Variants in F13A1 observed in about 807,000 individuals in gnomAD.
F13A1 encodes the protein FSF, A subunit.
F13A1 carries 47 observed loss-of-function variants against 80.1 expected under a neutral mutation model. That is an observed-to-expected ratio of 0.59 (90% CI 0.46 to 0.75). The LOEUF is 0.75. Ranked by LOEUF, F13A1 falls within the 30% of genes least tolerant of loss-of-function variation. F13A1 has a pLI of 0.00. For missense variants in F13A1, 817 were observed against 930.4 expected, an observed-to-expected ratio of 0.88 and a Z score of 1.59; for synonymous variants, 349 against 344.9, an observed-to-expected ratio of 1.01 and a Z score of -0.13.
chr6:6,144,754 T>G lies in F13A1; in HGVS notation c.*865A>C, dbSNP rs1215778357. 6.6e-6 allele frequency: 1 copy of G among 152,596 alleles called. No individual in the cohort carries two copies. The highest frequency in any genetic ancestry group is 6.5e-5 in the Admixed American group (1 of 15,278). 9.5% of individuals were successfully genotyped at this position (152,596 alleles called of 1,614,324 possible). A position where few individuals can be genotyped will look rare whatever the true frequency, so the allele number is the denominator to read the frequency against. On this transcript the variant is annotated 3_prime_UTR_variant, in exon 15 of 15. Transcript: ENST00000264870. ...TGAAAGGGGACCTGAACCTGCATCA[T>G]TCTGCAAAGGAGATGATTCCTGAGA...
intron 12 of F13A1, among the ~76,000 whole-genome samples, chr6:6,169,625 G>T (rs1760737325): frequency 1.3e-5 from 2 of 152,262 alleles, no homozygotes; most frequent in South Asian, 4.2e-4. Context: ...ATCCCCAGGG[G>T]ACATTTGGCA....
intron 13 of F13A1, among the ~76,000 whole-genome samples, chr6:6,161,707 C>T (rs181356452): frequency 9.6e-4 from 146 of 152,276 alleles, no homozygotes; most frequent in African/African-American, 2.6e-3. Context: ...ATGACTGTCT[C>T]TCTCTGCCTG....
At chr6:6,319,916 G>C (rs1163824919) in intron 1 of F13A1, among the ~76,000 whole-genome samples, 1 of 152,222 alleles carries the variant, frequency 6.6e-6, no homozygotes, top group Non-Finnish European at 1.5e-5. Flanking sequence ...AAGGGTTAAT[G>C]ATAGGGAGAA....
At chr6:6,245,917 A>G (rs1037644593) in intron 6 of F13A1, among the ~76,000 whole-genome samples, 5 of 152,216 alleles carry the variant, frequency 3.3e-5, no homozygotes, top group Admixed American at 6.5e-5. Context: ...TCTAGCCTCT[A>G]TGACCAGGCT....
At chr6:6,191,149 G>A (rs1243150834) in intron 10 of F13A1, among the ~76,000 whole-genome samples, 7 of 151,438 alleles carry the variant, frequency 4.6e-5, no homozygotes, top group Admixed American at 6.6e-5. Context: ...AGATGAACCC[G>A]GTACCTCAGA....
At chr6:6,208,659 C>G (rs903554871) in intron 8 of F13A1, among the ~76,000 whole-genome samples, 4 of 151,792 alleles carry the variant, frequency 2.6e-5, no homozygotes, top group African/African-American at 7.3e-5. Context: ...TACTTTTTTT[C>G]TTTTTCAAAT....
intron 3 of F13A1, among the ~76,000 whole-genome samples, chr6:6,285,398 T>G (rs1460551139): frequency 2.0e-5 from 3 of 152,090 alleles, no homozygotes; most frequent in African/African-American, 4.8e-5. Flanking sequence ...TAAACAGAAT[T>G]GGAAAGGAAA....
chr6:6,286,343 G>A (rs1046433812), intron 3 of F13A1, among the ~76,000 whole-genome samples: 1 of 152,156 alleles, frequency 6.6e-6, no homozygotes, highest in Non-Finnish European at 1.5e-5. Context: ...CTGAGATCGC[G>A]CCACTTCTCT....
intron 6 of F13A1, among the ~76,000 whole-genome samples, chr6:6,235,652 A>T (rs142420481): frequency 6.6e-6 from 1 of 152,194 alleles, no homozygotes; most frequent in Non-Finnish European, 1.5e-5. Flanking sequence ...CCGGGAGGAT[A>T]TGCAACACTT....
intron 3 of F13A1, among the ~76,000 whole-genome samples, chr6:6,303,678 C>G (rs1485958327): frequency 6.6e-6 from 1 of 152,090 alleles, no homozygotes; most frequent in Non-Finnish European, 1.5e-5. Flanking sequence ...TTTGACCAAC[C>G]CCTTGGGAGA....
chr6:6,157,762 A>G (rs1760502438), intron 13 of F13A1, among the ~76,000 whole-genome samples: 1 of 152,200 alleles, frequency 6.6e-6, no homozygotes, highest in South Asian at 2.1e-4. Context: ...TAGCCCAAAC[A>G]TACTGGGATT....
rs6911594 is a variant in F13A1 at position 6,162,855 on chromosome 6, G to A, written c.1908+4603C>T. Among the ~76,000 whole-genome samples the A allele has an allele frequency of 0.48, 72,502 of 152,046 alleles. 17,580 individuals carry two copies. The highest frequency in any genetic ancestry group is 0.52 in the South Asian group (2,501 of 4,816). ...CAGAAAACAAGCTTTAAACTCAGAT[G>A]ATTTGGTTCCAGAGCCCATGTTCTG... On this transcript the variant is annotated intron_variant, in intron 13 of 14. Coordinates refer to ENST00000264870, the MANE Select transcript of F13A1 (RefSeq NM_000129.4). The surrounding 1 kb of genome is among the most constrained non-coding windows in gnomAD (Gnocchi z 4.2).
Position 6,174,719 on chromosome 6 carries a change from G to A in F13A1, c.1608C>T (p.Leu536=). 1 of 1,614,182 alleles carries A rather than the reference G, an allele frequency of 6.2e-7. No individual in the cohort carries two copies. The highest frequency in any genetic ancestry group is 1.1e-5 in the South Asian group (1 of 91,078). ...GGCTGTTGTTCCGGAAGGTGATGGAGAGCTTGAAGTCTTTTCCCAGCACAG... is the reference window on the plus strand; with the variant it reads ...GGCTGTTGTTCCGGAAGGTGATGGAAAGCTTGAAGTCTTTTCCCAGCACAG... ...ENAVLGKDFK[L]SITFRNNSHN... The change falls in exon 12 of 15, where the codon CTC becomes CTT. Residue 536 remains leucine, a synonymous_variant. Coordinates refer to ENST00000264870, the MANE Select transcript of F13A1 (RefSeq NM_000129.4).
At chr6:6,319,274 A>G (rs1259664054) in intron 1 of F13A1, among the ~76,000 whole-genome samples, 1 of 152,214 alleles carries the variant, frequency 6.6e-6, no homozygotes, top group East Asian at 1.9e-4. Context: ...ATAGTCTGAT[A>G]GGGTTAGGGT....
chr6:6,294,489 A>G (rs150086999), intron 3 of F13A1, among the ~76,000 whole-genome samples: 4 of 152,094 alleles, frequency 2.6e-5, no homozygotes, highest in African/African-American at 9.6e-5. Context: ...TAATACTTAA[A>G]TAAACTCCCC....
chr6:6,313,500 C>T (rs1758636639), intron 2 of F13A1, among the ~76,000 whole-genome samples: 1 of 152,014 alleles, frequency 6.6e-6, no homozygotes, highest in Admixed American at 6.6e-5. Context: ...TTATTGTCTC[C>T]CTAGGTTGTA....
intron 13 of F13A1, among the ~76,000 whole-genome samples, chr6:6,164,185 GAA>G (rs887807065): frequency 6.6e-6 from 1 of 150,546 alleles, no homozygotes; most frequent in Admixed American, 6.6e-5. Flanking sequence ...ACAAGCATAT[GAA>G]AAAAAAAGCC....
chr6:6,192,320 C>T (rs1256144281), intron 10 of F13A1, among the ~76,000 whole-genome samples: 1 of 151,958 alleles, frequency 6.6e-6, no homozygotes, highest in Non-Finnish European at 1.5e-5. Context: ...GGGGAATAGA[C>T]AGAAAAGGAG....
At chr6:6,194,962 G>A (rs1761264209) in intron 10 of F13A1, among the ~76,000 whole-genome samples, 1 of 152,150 alleles carries the variant, frequency 6.6e-6, no homozygotes, top group African/African-American at 2.4e-5. Context: ...AATTTTAGAA[G>A]GTTGCTAAGA....
Sources: gnomAD v4.1 joint callset for allele counts (sites outside exome capture counted in the v4.1 genomes callset) on GRCh38, gnomAD v4.1.1 for gene constraint, Gnocchi (gnomAD v3.1) non-coding constraint, MANE v1.5 for transcripts, NCBI Gene and HGNC (gene_info 2026-07-23, HGNC 2026-07-21) for gene names.